Variants in MAP7D2 observed in about 807,000 individuals in gnomAD.
The protein encoded by MAP7D2 is MAP7 domain containing 2, also known as MAP7 domain-containing protein 2.
A neutral mutation model predicts 63.5 loss-of-function variants in MAP7D2; 33 were observed. The observed-to-expected ratio is 0.52, with a 90% CI of 0.39 to 0.70. The LOEUF is 0.70. MAP7D2 is among the 30% of genes least tolerant of loss of function. The pLI, the probability that MAP7D2 is intolerant of heterozygous loss-of-function variation, is 0.00. For synonymous variants in MAP7D2, 224 were observed against 223.7 expected (o/e 1.00, Z -0.01); for missense variants, 626 against 604.0 (o/e 1.04, Z -0.38).
chrX:20,054,281 T>A (rs7060017), intron 4 of MAP7D2, among the ~76,000 whole-genome samples: 42,518 of 111,516 alleles, frequency 0.38, 9,407 homozygotes, highest in African/African-American at 0.85. Flanking sequence ...AATGTTTTGA[T>A]AAAACTAAAC....
intron 1 of MAP7D2, among the ~76,000 whole-genome samples, chrX:20,091,408 G>A (rs1208121799): frequency 1.9e-5 from 2 of 107,710 alleles, no homozygotes; most frequent in Non-Finnish European, 3.9e-5. Context: ...GGTGGCTCAC[G>A]CCTGTAATCC....
Position 20,088,468 on chromosome X carries a change from GTTTTTTTTTTTTTTTTTTTTT to G in MAP7D2, c.131-23684_131-23664del, listed in dbSNP as rs779366726. 4.9e-3 allele frequency among the ~76,000 whole-genome samples: 201 copies of G among 41,048 alleles called. 3 individuals carry two copies. Among genetic ancestry groups the G allele is most frequent in the African/African-American group, 9.4e-3 (156 of 16,649 alleles). 35.6% of individuals were successfully genotyped at this position (41,048 alleles called of 115,157 possible). On this transcript the variant is annotated intron_variant, in intron 1 of 16. Coordinates refer to ENST00000379643, the MANE Select transcript of MAP7D2 (RefSeq NM_001168465.2). ...CCCCACCACACCCAGCTAATTTTCA[GTTTTTTTTTTTTTTTTTTTTT>G]TTTTTTTTTTTTTTTTGCAGAGACA... is the stretch of plus-strand genomic sequence containing the variant.
intron 1 of MAP7D2, among the ~76,000 whole-genome samples, chrX:20,108,735 A>T (rs753876008): frequency 3.9e-4 from 43 of 109,860 alleles, no homozygotes; most frequent in Admixed American, 3.7e-3. Context: ...AAAAAAAAAC[A>T]AAAAAACTAA....
intron 6 of MAP7D2, among the ~76,000 whole-genome samples, chrX:20,048,213 A>C (rs1569520081): frequency 8.9e-6 from 1 of 112,260 alleles, no homozygotes; most frequent in East Asian, 2.8e-4. Flanking sequence ...TGTATGTTGA[A>C]TACCTGCTTT....
At chrX:20,009,235 T>C (rs1004878151) in intron 16 of MAP7D2, among the ~76,000 whole-genome samples, 2 of 112,000 alleles carry the variant, frequency 1.8e-5, no homozygotes, top group Non-Finnish European at 3.8e-5. Flanking sequence ...CTCAGCTCTG[T>C]AGCCTCTCCC....
Position 20,087,374 on chromosome X carries a change from A to G in MAP7D2, c.131-22569T>C, listed in dbSNP as rs945581888. On this transcript the variant is annotated intron_variant, in intron 1 of 16. Coordinates refer to ENST00000379643, the MANE Select transcript of MAP7D2 (RefSeq NM_001168465.2). ...CTGGATGTAAAAAAGAGCCCAGCAC[A>G]TGCCTTTCCTCCCTCTCTCTTCCTC... 4.2e-4 allele frequency among the ~76,000 whole-genome samples: 47 copies of G among 111,066 alleles called. 1 individual carries two copies. Among genetic ancestry groups the G allele is most frequent in the Non-Finnish European group, 1.3e-4 (7 of 53,028 alleles).
intron 5 of MAP7D2, among the ~76,000 whole-genome samples, chrX:20,052,056 A>G (rs1200091884): frequency 8.9e-6 from 1 of 112,108 alleles, no homozygotes; most frequent in Non-Finnish European, 1.9e-5. Context: ...AGTGGAAACA[A>G]CCAGGAAGGC....
intron 8 of MAP7D2, 28 bp downstream of exon 8, chrX:20,042,474 C>A: frequency 8.3e-7 from 1 of 1,208,387 alleles, no homozygotes; most frequent in Non-Finnish European, 1.1e-6. Flanking sequence ...GACAGTCAGA[C>A]TGTCTGGCAA....
chrX:20,022,086 G>A (rs1394211931), intron 10 of MAP7D2, among the ~76,000 whole-genome samples: 1 of 111,769 alleles, frequency 8.9e-6, no homozygotes, highest in Non-Finnish European at 1.9e-5. Flanking sequence ...AGTGGGGGGT[G>A]GTCAGTTCTG....
At chrX:20,105,788 C>T (rs1298332393) in intron 1 of MAP7D2, among the ~76,000 whole-genome samples, 2 of 111,998 alleles carry the variant, frequency 1.8e-5, no homozygotes, top group African/African-American at 6.5e-5. Flanking sequence ...CCTAAGCTGG[C>T]TAATACAGCT....
chrX:20,095,593 A>T (rs2066236248), intron 1 of MAP7D2, among the ~76,000 whole-genome samples: 2 of 110,737 alleles, frequency 1.8e-5, no homozygotes, highest in Non-Finnish European at 3.8e-5. Context: ...TTTCTATATG[A>T]TCCAGTAATT....
intron 1 of MAP7D2, among the ~76,000 whole-genome samples, chrX:20,066,034 T>C (rs914859074): frequency 9.2e-6 from 1 of 109,192 alleles, no homozygotes; most frequent in African/African-American, 3.3e-5. Flanking sequence ...GCCATTCTCC[T>C]GCCTCAGCCT....
chrX:20,093,041 C>T (rs1011717363), intron 1 of MAP7D2, among the ~76,000 whole-genome samples: 1 of 111,945 alleles, frequency 8.9e-6, no homozygotes, highest in East Asian at 2.8e-4. Context: ...CCACCCAGTT[C>T]TCTCTTGCTG....
intron 1 of MAP7D2, among the ~76,000 whole-genome samples, chrX:20,103,253 T>C (rs2066484746): frequency 8.9e-6 from 1 of 111,802 alleles, no homozygotes. Context: ...GTCAATCTGG[T>C]TTCTCCAACC....
At chrX:20,086,089 T>C (rs775121755) in intron 1 of MAP7D2, among the ~76,000 whole-genome samples, 17 of 112,560 alleles carry the variant, frequency 1.5e-4, no homozygotes, top group Middle Eastern at 4.2e-3. Context: ...CTTCATTGTA[T>C]GCAAAGAGAT....
In MAP7D2 at chrX:20,095,156, T is replaced by C. The variant is rs780423502; in HGVS notation, c.130+21594A>G. Among the ~76,000 whole-genome samples the C allele has an allele frequency of 5.4e-5, 6 of 111,842 alleles. No homozygotes were observed. In the East Asian group the frequency reaches 1.7e-3, roughly 31 times the overall value. On this transcript the variant is annotated intron_variant, in intron 1 of 16. Coordinates refer to ENST00000379643, the MANE Select transcript of MAP7D2 (RefSeq NM_001168465.2). The stretch of plus-strand genomic sequence containing the variant: ...AAACGACTGGGCTGTATGTACACTT[T>C]ACAAGAATGAAATTTATGTTATTGT...
chrX:20,022,477 G>A (rs181202766), intron 10 of MAP7D2, among the ~76,000 whole-genome samples: 1 of 110,970 alleles, frequency 9.0e-6, no homozygotes, highest in East Asian at 2.8e-4. Context: ...CCTAGAGCAG[G>A]GAGCTCAGTT....
At chrX:20,099,437 G>GA (rs1254106577) in intron 1 of MAP7D2, among the ~76,000 whole-genome samples, 2 of 111,547 alleles carry the variant, frequency 1.8e-5, no homozygotes, top group Non-Finnish European at 3.8e-5. Flanking sequence ...TTTGCATCAG[G>GA]ATGCTCCCGA....
At chrX:20,106,881 C>G (rs767737180) in intron 1 of MAP7D2, among the ~76,000 whole-genome samples, 2 of 110,048 alleles carry the variant, frequency 1.8e-5, no homozygotes, top group African/African-American at 6.6e-5. Context: ...TACTTGGGAG[C>G]TGAGGTGGGA....
Sources: allele counts gnomAD v4.1 joint callset (sites outside exome capture counted in the v4.1 genomes callset), GRCh38; gene constraint gnomAD v4.1.1; transcripts MANE v1.5; gene names NCBI Gene and HGNC (gene_info 2026-07-23, HGNC 2026-07-21).